Variants in HYCC2 observed in about 807,000 individuals in gnomAD.
HYCC2 encodes hyccin 2.
chr2:201,064,648 C>T, the HYCC2 span, among the ~76,000 whole-genome samples: 2 of 152,056 alleles, frequency 1.3e-5, no homozygotes, highest in African/African-American at 2.4e-5. Context: ...TTGGCACATC[C>T]TATGCAATAT....
chr2:201,000,164 C>T, the HYCC2 span, among the ~76,000 whole-genome samples: 5 of 151,412 alleles, frequency 3.3e-5, no homozygotes, highest in South Asian at 2.1e-4. Flanking sequence ...CTTGAGCTCA[C>T]GCATTCAAGA....
chr2:201,022,248 T>A, the HYCC2 span: 7 of 420,862 alleles, frequency 1.7e-5, no homozygotes, highest in African/African-American at 1.4e-4. Context: ...TTTGCATAAA[T>A]TAATATACAG....
the HYCC2 span, among the ~76,000 whole-genome samples, chr2:201,028,109 C>G: frequency 9.2e-5 from 14 of 152,312 alleles, no homozygotes; most frequent in African/African-American, 3.4e-4. Flanking sequence ...TAAGCAACTT[C>G]AGCAAAGTCT....
the HYCC2 span, among the ~76,000 whole-genome samples, chr2:200,986,013 T>C: frequency 6.6e-6 from 1 of 152,194 alleles, no homozygotes; most frequent in African/African-American, 2.4e-5. Flanking sequence ...CATTCAGGAA[T>C]GTTCAGTTTA....
At chr2:201,006,541 G>A in the HYCC2 span, among the ~76,000 whole-genome samples, 4 of 151,990 alleles carry the variant, frequency 2.6e-5, no homozygotes, top group Admixed American at 2.6e-4. Flanking sequence ...AATTATACTA[G>A]ATGCCTGAAA....
chr2:201,042,521 G>GT, the HYCC2 span, among the ~76,000 whole-genome samples: 2 of 151,316 alleles, frequency 1.3e-5, no homozygotes, highest in African/African-American at 4.9e-5. Context: ...GAGTGTCTCT[G>GT]CCCCGCCGCC....
the HYCC2 span, chr2:200,978,534 A>G: frequency 0.3 from 39,755 of 134,760 alleles, 7,568 homozygotes; most frequent in African/African-American, 0.56. Context: ...GGAGTACAGT[A>G]GTGCATTCTT....
At chr2:201,040,482 A>T in the HYCC2 span, among the ~76,000 whole-genome samples, 1 of 146,496 alleles carries the variant, frequency 6.8e-6, no homozygotes, top group Non-Finnish European at 1.5e-5. Context: ...TGTGAATCTC[A>T]TAATTTTTTT....
At chr2:201,003,937 C>A in the HYCC2 span, among the ~76,000 whole-genome samples, 1 of 151,360 alleles carries the variant, frequency 6.6e-6, no homozygotes, top group African/African-American at 2.4e-5. Context: ...CCTCAGCCTC[C>A]CGAGTAGCTA....
At chr2:201,031,161 C>G in the HYCC2 span, among the ~76,000 whole-genome samples, 5 of 152,128 alleles carry the variant, frequency 3.3e-5, no homozygotes, top group Non-Finnish European at 5.9e-5. Flanking sequence ...AAGCATATGG[C>G]TGTTACATGT....
the HYCC2 span, among the ~76,000 whole-genome samples, chr2:201,043,291 C>T: frequency 4.6e-5 from 7 of 151,880 alleles, no homozygotes; most frequent in Non-Finnish European, 1.0e-4. Context: ...ACAAACACTG[C>T]GGAAGGTGGC....
chr2:201,047,976 TA>T, the HYCC2 span, among the ~76,000 whole-genome samples: 1 of 150,838 alleles, frequency 6.6e-6, no homozygotes, highest in Non-Finnish European at 1.5e-5. Flanking sequence ...GAAATTATCC[TA>T]AATCATAAAC....
the HYCC2 span, among the ~76,000 whole-genome samples, chr2:200,995,000 T>A: frequency 7.0e-6 from 1 of 141,846 alleles, no homozygotes; most frequent in Non-Finnish European, 1.5e-5. Context: ...AAAGGAAGAC[T>A]CTCTCAAAAA....
chr2:201,037,403 C>T, the HYCC2 span, among the ~76,000 whole-genome samples: 7 of 152,190 alleles, frequency 4.6e-5, no homozygotes, highest in Admixed American at 2.6e-4. Context: ...TTAAAGTTCA[C>T]ATGGAACCAA....
chr2:201,022,849 A>G, the HYCC2 span: 1 of 1,606,864 alleles, frequency 6.2e-7, no homozygotes, highest in African/African-American at 1.3e-5. Context: ...TTGAATCTTG[A>G]ATAACTTTAT....
the HYCC2 span, chr2:201,071,496 C>G: frequency 1.3e-5 from 2 of 152,686 alleles, no homozygotes; most frequent in Non-Finnish European, 2.9e-5. Context: ...CACCGGCTAC[C>G]GCCTTTCCAG....
the HYCC2 span, among the ~76,000 whole-genome samples, chr2:201,007,237 T>C: frequency 4.6e-5 from 7 of 152,226 alleles, no homozygotes; most frequent in South Asian, 2.1e-4. Flanking sequence ...AATAAACCCA[T>C]TGTAAATCGA....
the HYCC2 span, among the ~76,000 whole-genome samples, chr2:201,031,681 T>C: frequency 6.6e-6 from 1 of 152,058 alleles, no homozygotes; most frequent in Non-Finnish European, 1.5e-5. Context: ...TCACCTTGCT[T>C]GCTTAGTTAA....
At chr2:201,057,897 C>T in the HYCC2 span, among the ~76,000 whole-genome samples, 1 of 152,128 alleles carries the variant, frequency 6.6e-6, no homozygotes, top group Non-Finnish European at 1.5e-5. Context: ...ATGGATCTAT[C>T]GGTTTGGCTA....
Sources: gnomAD v4.1 joint callset for allele counts (sites outside exome capture counted in the v4.1 genomes callset) on GRCh38, gnomAD v4.1.1 for gene constraint, MANE v1.5 for transcripts, NCBI Gene and HGNC (gene_info 2026-07-23, HGNC 2026-07-21) for gene names.